The following LIN52 variants were observed in gnomAD, a reference collection of about 807,000 sequenced individuals.
LIN52 encodes the protein protein lin-52 homolog.
LIN52 carries 4 observed loss-of-function variants against 18.5 expected under a neutral mutation model. The observed-to-expected ratio is 0.22, with a 90% CI of 0.11 to 0.49. The LOEUF is 0.49. Ranked by LOEUF, LIN52 falls within the 20% of genes least tolerant of loss-of-function variation. The pLI is 0.97. For missense variants in LIN52, 102 were observed against 139.5 expected (o/e 0.73, Z 1.35); for synonymous variants, 34 against 45.5 (o/e 0.75, Z 1.02).
At chr14:74,195,543 GGTGTGTGTGTGTATGTGT>G (rs2078906591) in intron 5 of LIN52, among the ~76,000 whole-genome samples, 1 of 102,002 alleles carries the variant, frequency 9.8e-6, no homozygotes, top group Non-Finnish European at 2.0e-5. Flanking sequence ...GGTGTGTGTG[GGTGTGTGTGTGTATGTGT>G]GTGTGTGTGT....
At chr14:74,159,695 C>T (rs1342929954) in intron 5 of LIN52, among the ~76,000 whole-genome samples, 1 of 151,994 alleles carries the variant, frequency 6.6e-6, no homozygotes, top group African/African-American at 2.4e-5. Flanking sequence ...CCTCAGCCTC[C>T]TGAGTAGCTG....
At chr14:74,091,155 A>G in intron 1 of LIN52, 77 bp from the exon 2 acceptor site, 1 of 1,021,828 alleles carries the variant, frequency 9.8e-7, no homozygotes, top group Non-Finnish European at 1.5e-6. Flanking sequence ...GTTCCAGTTT[A>G]TGTCCTTTGA....
intron 5 of LIN52, among the ~76,000 whole-genome samples, chr14:74,159,569 T>G (rs1232370903): frequency 5.2e-4 from 1 of 1,940 alleles, no homozygotes; most frequent in Non-Finnish European, 1.4e-3. Context: ...TGGGGTTTGT[T>G]TTTTTTTTTT....
At chr14:74,119,112 T>C (rs1407993431) in intron 5 of LIN52, among the ~76,000 whole-genome samples, 1 of 152,040 alleles carries the variant, frequency 6.6e-6, no homozygotes, top group Middle Eastern at 3.2e-3. Context: ...AAATAAATAC[T>C]GTTAGTATTT....
intron 5 of LIN52, among the ~76,000 whole-genome samples, chr14:74,158,560 C>A (rs562210268): frequency 1.3e-5 from 2 of 152,278 alleles, no homozygotes; most frequent in South Asian, 4.1e-4. Context: ...CTCACTGCAA[C>A]CTCCACCTCC....
At chr14:74,150,428 A>C (rs2061171683) in intron 5 of LIN52, among the ~76,000 whole-genome samples, 1 of 152,240 alleles carries the variant, frequency 6.6e-6, no homozygotes, top group Non-Finnish European at 1.5e-5. Context: ...AGCTAGACAC[A>C]AAAGAGTTTA....
At chr14:74,134,058 A>G (rs2061083637) in intron 5 of LIN52, among the ~76,000 whole-genome samples, 1 of 152,222 alleles carries the variant, frequency 6.6e-6, no homozygotes, top group South Asian at 2.1e-4. Flanking sequence ...GTACACGGGA[A>G]GTTTTAATTG....
chr14:74,119,062 A>G (rs932517080), intron 5 of LIN52, among the ~76,000 whole-genome samples: 28 of 152,258 alleles, frequency 1.8e-4, no homozygotes, highest in African/African-American at 6.3e-4. Flanking sequence ...CGTTCTACTA[A>G]TGATGGATAT....
chr14:74,121,868 C>T (rs780195074), intron 5 of LIN52, among the ~76,000 whole-genome samples: 19 of 151,880 alleles, frequency 1.3e-4, no homozygotes, highest in Non-Finnish European at 1.0e-4. Flanking sequence ...GGATTACAGG[C>T]GCGCACACCA....
chr14:74,095,149 G>GGTTTT (rs1555379737), intron 2 of LIN52, among the ~76,000 whole-genome samples: 1 of 103,734 alleles, frequency 9.6e-6, no homozygotes, highest in East Asian at 2.9e-4. Flanking sequence ...CCAACTAACT[G>GGTTTT]TTTTTTTTTT....
At chr14:74,155,848 G>A (rs999860668) in intron 5 of LIN52, among the ~76,000 whole-genome samples, 2 of 152,170 alleles carry the variant, frequency 1.3e-5, no homozygotes, top group African/African-American at 2.4e-5. Flanking sequence ...TCCTGGAACA[G>A]AAGGGACTGG....
At chr14:74,181,497 T>A (rs2061318536) in intron 5 of LIN52, among the ~76,000 whole-genome samples, 1 of 152,124 alleles carries the variant, frequency 6.6e-6, no homozygotes, top group South Asian at 2.1e-4. Flanking sequence ...TTAACCAGAT[T>A]TTCCCCCGTC....
chr14:74,175,566 G>A lies in LIN52; in HGVS notation c.284-23356G>A, dbSNP rs115535883. ...ATAGAAATTAGCTGAGCATGGTACTGTGTGCCTGAGGTCCCAGCTATTCAG... is the reference window on the plus strand; with the variant it reads ...ATAGAAATTAGCTGAGCATGGTACTATGTGCCTGAGGTCCCAGCTATTCAG... On this transcript the variant is annotated intron_variant, in intron 5 of 5. Coordinates refer to ENST00000555028, the MANE Select transcript of LIN52 (RefSeq NM_001024674.3). 6.3e-3 allele frequency among the ~76,000 whole-genome samples: 956 copies of A among 152,032 alleles called. 15 individuals carry two copies. Among genetic ancestry groups the A allele is most frequent in the African/African-American group, 0.022 (919 of 41,484 alleles).
intron 5 of LIN52, among the ~76,000 whole-genome samples, chr14:74,154,378 A>T (rs772051846): frequency 6.6e-6 from 1 of 152,228 alleles, no homozygotes; most frequent in Non-Finnish European, 1.5e-5. Context: ...AATCATAATG[A>T]GCTCTATAAG....
intron 2 of LIN52, among the ~76,000 whole-genome samples, chr14:74,095,112 T>C (rs1474732060): frequency 6.6e-6 from 1 of 150,690 alleles, no homozygotes; most frequent in African/African-American, 2.4e-5. Context: ...CCTAAGTAGC[T>C]AGGACTATAG....
chr14:74,089,601 C>G (rs1414701222), intron 1 of LIN52, among the ~76,000 whole-genome samples: 1 of 152,024 alleles, frequency 6.6e-6, no homozygotes, highest in East Asian at 1.9e-4. Flanking sequence ...CTCGTGAGCT[C>G]AAGCAATCCA....
chr14:74,087,431 A>G (rs1026464989), intron 1 of LIN52, among the ~76,000 whole-genome samples: 12 of 151,336 alleles, frequency 7.9e-5, no homozygotes, highest in Non-Finnish European at 1.3e-4. Context: ...AAAAAAAAAA[A>G]AAAAATTAAA....
At chr14:74,161,191 T>C (rs972280175) in intron 5 of LIN52, among the ~76,000 whole-genome samples, 2 of 152,078 alleles carry the variant, frequency 1.3e-5, no homozygotes, top group Admixed American at 1.3e-4. Context: ...AAAAATTTAT[T>C]TATTTATTTA....
chr14:74,104,684 A>G (rs1479834713), intron 5 of LIN52, among the ~76,000 whole-genome samples: 3 of 151,154 alleles, frequency 2.0e-5, no homozygotes, highest in Non-Finnish European at 4.4e-5. Context: ...TAAGATTAAT[A>G]GTTGATGGAT....
Sources: allele counts gnomAD v4.1 joint callset (sites outside exome capture counted in the v4.1 genomes callset), GRCh38; gene constraint gnomAD v4.1.1; transcripts MANE v1.5; gene names NCBI Gene and HGNC (gene_info 2026-07-23, HGNC 2026-07-21).